The following RBFOX1 variants were observed in gnomAD, a reference collection of about 807,000 sequenced individuals.
The protein encoded by RBFOX1 is RNA binding protein fox-1 homolog 1.
RBFOX1 carries 8 observed loss-of-function variants against 57.7 expected under a neutral mutation model. The observed-to-expected ratio is 0.14, with a 90% CI of 0.08 to 0.25. The LOEUF (loss-of-function observed/expected upper bound fraction) is 0.25. Ranked by LOEUF, RBFOX1 falls within the 10% of genes least tolerant of loss-of-function variation. The probability of loss-of-function intolerance (pLI) is 1.00; values close to 1 mark genes in which losing one functional copy is unlikely to be tolerated. For missense variants in RBFOX1, 611 were observed against 548.5 expected, an observed-to-expected ratio of 1.11 and a Z score of -1.14; for synonymous variants, 326 against 222.4, an observed-to-expected ratio of 1.47 and a Z score of -4.15.
intron 3 of RBFOX1, among the ~76,000 whole-genome samples, chr16:6,908,793 C>T (rs150858752): frequency 6.6e-6 from 1 of 152,140 alleles, no homozygotes; most frequent in Non-Finnish European, 1.5e-5. Context: ...TCTCTCTGCC[C>T]AGTTACCTCA....
chr16:5,979,137 A>T (rs952890039), intron 4 of RBFOX1, among the ~76,000 whole-genome samples: 1 of 152,204 alleles, frequency 6.6e-6, no homozygotes, highest in Admixed American at 6.5e-5. Flanking sequence ...TTGGCATGAA[A>T]GCTTCCAGTT....
intron 1 of RBFOX1, among the ~76,000 whole-genome samples, chr16:6,098,299 A>G (rs1216217455): frequency 6.6e-6 from 1 of 152,166 alleles, no homozygotes; most frequent in Non-Finnish European, 1.5e-5. Context: ...AGTCCCTTGC[A>G]TGGACCCAGA....
chr16:5,704,283 C>T (rs904551318), intron 3 of RBFOX1, among the ~76,000 whole-genome samples: 1 of 152,110 alleles, frequency 6.6e-6, no homozygotes, highest in African/African-American at 2.4e-5. Context: ...CAGCCAAACT[C>T]CTCTGGAGGA....
chr16:5,867,863 C>T (rs2057379856), intron 4 of RBFOX1, among the ~76,000 whole-genome samples: 1 of 151,980 alleles, frequency 6.6e-6, no homozygotes, highest in Non-Finnish European at 1.5e-5. Context: ...AGGTGTGCAC[C>T]GCCACGCCTG....
In RBFOX1 at chr16:7,697,206, G is replaced by C. The variant is rs191467237; in HGVS notation, c.996-11850G>C. On this transcript the variant is annotated intron_variant, in intron 14 of 15. Transcript: ENST00000550418. ...GTCCAGAGAGGGGTGACAATGGCTT[G>C]GGTTAGTGGGGTGGCTGTGGGTGAG... Among the ~76,000 whole-genome samples the C allele has an allele frequency of 1.9e-3, 282 of 152,254 alleles. 2 individuals carry two copies. Among genetic ancestry groups the C allele is most frequent in the African/African-American group, 6.6e-3 (273 of 41,558 alleles).
In RBFOX1 at chr16:5,390,833, T is replaced by C. The variant is rs566353739; in HGVS notation, c.220-76383T>C. ...TGGGCTTGAAGGATAGTGCATGTGA[T>C]GCTGAAGCTGTGGCAGCCATCTTGT... is the stretch of plus-strand genomic sequence containing the variant. On this transcript the variant is annotated intron_variant, in intron 1 of 2. Coordinates refer to the RBFOX1 transcript ENST00000585867. 1.8e-4 allele frequency among the ~76,000 whole-genome samples: 27 copies of C among 152,286 alleles called. No individual in the cohort carries two copies. The East Asian group carries it at 3.3e-3, about 19-fold the overall frequency.
intron 4 of RBFOX1, among the ~76,000 whole-genome samples, chr16:7,303,179 C>T (rs552180272): frequency 7.2e-5 from 11 of 152,314 alleles, no homozygotes; most frequent in Non-Finnish European, 1.2e-4. Flanking sequence ...GGGGCTGGTT[C>T]GCTGGCTCGG....
intron 3 of RBFOX1, among the ~76,000 whole-genome samples, chr16:7,021,162 C>G (rs937718563): frequency 2.5e-4 from 38 of 151,888 alleles, no homozygotes; most frequent in Admixed American, 2.4e-3. Flanking sequence ...AATGAATAAA[C>G]GAAGCATCAC....
intron 14 of RBFOX1, among the ~76,000 whole-genome samples, chr16:7,707,337 T>C (rs2082785943): frequency 1.3e-5 from 2 of 152,020 alleles, no homozygotes; most frequent in South Asian, 2.1e-4. Flanking sequence ...TGGTCAAACA[T>C]GTATTGGATT....
chr16:5,360,588 A>G (rs1019400533), intron 1 of RBFOX1, among the ~76,000 whole-genome samples: 1 of 152,184 alleles, frequency 6.6e-6, no homozygotes, highest in Non-Finnish European at 1.5e-5. Flanking sequence ...CTGGATGTGT[A>G]TCCACACTCC....
chr16:6,135,657 G>C (rs2096661204), intron 1 of RBFOX1, among the ~76,000 whole-genome samples: 1 of 151,932 alleles, frequency 6.6e-6, no homozygotes, highest in African/African-American at 2.4e-5. Flanking sequence ...AAAAAACCAT[G>C]AACACTAATA....
At chr16:6,756,229 C>A (rs1242128175) in intron 3 of RBFOX1, among the ~76,000 whole-genome samples, 2 of 152,058 alleles carry the variant, frequency 1.3e-5, no homozygotes, top group Non-Finnish European at 2.9e-5. Flanking sequence ...GGAAAGGACA[C>A]CCTCTTCAAT....
At chr16:7,103,267 C>T (rs144075863) in intron 4 of RBFOX1, among the ~76,000 whole-genome samples, 72 of 152,222 alleles carry the variant, frequency 4.7e-4, no homozygotes, top group African/African-American at 1.5e-3. Flanking sequence ...AGAACTTTAA[C>T]TGTTTTGAGT....
At chr16:7,180,042 C>T (rs1476943783) in intron 4 of RBFOX1, among the ~76,000 whole-genome samples, 1 of 152,062 alleles carries the variant, frequency 6.6e-6, no homozygotes, top group Non-Finnish European at 1.5e-5. Flanking sequence ...TGAGTCCAGA[C>T]CTTCCTAGAT....
At chr16:6,501,544 G>C (rs1347796022) in intron 2 of RBFOX1, among the ~76,000 whole-genome samples, 1 of 151,944 alleles carries the variant, frequency 6.6e-6, no homozygotes, top group Admixed American at 6.6e-5. Flanking sequence ...TATCATTGTT[G>C]GACATTTGGG....
chr16:7,142,484 G>C (rs1300448872), intron 4 of RBFOX1, among the ~76,000 whole-genome samples: 1 of 152,122 alleles, frequency 6.6e-6, no homozygotes, highest in Non-Finnish European at 1.5e-5. Context: ...AACAATTTAA[G>C]ATTGTGTCCT....
At position 5,856,575 on chromosome 16, in the gene RBFOX1, G is replaced by GTATATATATATATATATATATA. The variant is rs375112636; in HGVS notation, c.319-10719_319-10698dup. On this transcript the variant is annotated intron_variant, in intron 3 of 19. Coordinates refer to the RBFOX1 transcript ENST00000641259. Reference sequence around the variant, plus strand: ...TGTGTGTGTGTGTATGTGTGTGTGTGTATATATATATATATATATATATAT... The same window carrying GTATATATATATATATATATATA: ...TGTGTGTGTGTGTATGTGTGTGTGTGTATATATATATATATATATATATATATATATATATATATATATATAT... 1.3e-3 allele frequency among the ~76,000 whole-genome samples: 42 copies of GTATATATATATATATATATATA among 32,862 alleles called. 1 individual carries two copies. The highest frequency in any genetic ancestry group is 2.8e-3 in the East Asian group (3 of 1,056). The allele number at this position is 32,862 out of a possible 152,430, so 21.6% of individuals were successfully genotyped here. A position where few individuals can be genotyped will look rare whatever the true frequency, so the allele number is the denominator to read the frequency against.
chr16:6,836,049 C>G (rs1013126318), intron 3 of RBFOX1, among the ~76,000 whole-genome samples: 6 of 152,176 alleles, frequency 3.9e-5, no homozygotes, highest in African/African-American at 1.2e-4. Flanking sequence ...AAGAAACCTA[C>G]TGTTCAATAG....
At chr16:6,514,491 G>A (rs2153787643) in intron 2 of RBFOX1, among the ~76,000 whole-genome samples, 1 of 152,280 alleles carries the variant, frequency 6.6e-6, no homozygotes, top group Admixed American at 6.5e-5. Context: ...TCATTTAAAA[G>A]CAGCCATCCA....
Sources: allele counts gnomAD v4.1 joint callset (sites outside exome capture counted in the v4.1 genomes callset), GRCh38; gene constraint gnomAD v4.1.1; transcripts MANE v1.5; gene names NCBI Gene and HGNC (gene_info 2026-07-23, HGNC 2026-07-21).